ALK: variants seen among roughly 807,000 people sequenced by gnomAD.
The protein encoded by ALK is ALK tyrosine kinase receptor.
In ALK, 74 loss-of-function variants were observed where a neutral mutation model predicts 163.1. That is an observed-to-expected ratio of 0.45 (90% CI 0.38 to 0.55). ALK has a LOEUF of 0.55. ALK is among the 20% of genes least tolerant of loss of function. ALK has a pLI of 0.00. For missense variants in ALK, 2,063 were observed against 2,105.3 expected (o/e 0.98, Z 0.39); for synonymous variants, 960 against 843.2 (o/e 1.14, Z -2.40).
chr2:29,472,535 G>A (rs1671372653), intron 4 of ALK, among the ~76,000 whole-genome samples: 1 of 152,148 alleles, frequency 6.6e-6, no homozygotes, highest in Admixed American at 6.5e-5. Context: ...AGAAGACAAT[G>A]AGGCTCCCTG....
At chr2:29,202,513 T>C (rs1669208304) in intron 26 of ALK, among the ~76,000 whole-genome samples, 1 of 152,370 alleles carries the variant, frequency 6.6e-6, no homozygotes, top group South Asian at 2.1e-4. Flanking sequence ...CACCTCCCTC[T>C]CTCTGCTCTC....
intron 4 of ALK, among the ~76,000 whole-genome samples, chr2:29,458,543 T>C (rs1671013422): frequency 1.3e-5 from 2 of 152,164 alleles, no homozygotes; most frequent in Non-Finnish European, 1.5e-5. Context: ...TGCAAATGCC[T>C]TCAACACAAT....
At chr2:29,543,204 G>C (rs550370445) in intron 3 of ALK, among the ~76,000 whole-genome samples, 2 of 152,232 alleles carry the variant, frequency 1.3e-5, no homozygotes, top group East Asian at 3.9e-4. Context: ...AGCAGATTAT[G>C]GAAGGGTGAG....
intron 4 of ALK, among the ~76,000 whole-genome samples, chr2:29,421,800 C>T (rs1469923447): frequency 2.0e-5 from 3 of 151,684 alleles, no homozygotes; most frequent in East Asian, 1.9e-4. Flanking sequence ...AGATCGCAGC[C>T]GCAGTGGGGA....
chr2:29,831,259 G>GGAAGAAGAAGAAAGAAGAAGAA (rs1665405947), intron 1 of ALK, among the ~76,000 whole-genome samples: 3 of 28,132 alleles, frequency 1.1e-4, no homozygotes, highest in Admixed American at 6.6e-4. Context: ...AAGAGGAAGA[G>GGAAGAAGAAGAAAGAAGAAGAA]GAAGAAGAAG....
intron 4 of ALK, among the ~76,000 whole-genome samples, chr2:29,425,908 C>A (rs1163266951): frequency 2.6e-5 from 4 of 152,146 alleles, no homozygotes; most frequent in Non-Finnish European, 5.9e-5. Flanking sequence ...GCTATTTCTC[C>A]AGAGAGAACC....
At chr2:29,846,660 C>CT (rs1558515944) in intron 1 of ALK, among the ~76,000 whole-genome samples, 1 of 152,198 alleles carries the variant, frequency 6.6e-6, no homozygotes, top group African/African-American at 2.4e-5. Context: ...TTTCAAACTG[C>CT]AAGAAAGCAA....
intron 1 of ALK, among the ~76,000 whole-genome samples, chr2:29,814,622 T>C (rs1664847996): frequency 6.6e-6 from 1 of 150,606 alleles, no homozygotes; most frequent in Non-Finnish European, 1.5e-5. Flanking sequence ...ATCGCACCAC[T>C]GCACTCCAGC....
intron 5 of ALK, among the ~76,000 whole-genome samples, chr2:29,331,754 T>G (rs1667445632): frequency 6.6e-6 from 1 of 152,086 alleles, no homozygotes; most frequent in Non-Finnish European, 1.5e-5. Flanking sequence ...ACTAAACTTG[T>G]AACAACCAGG....
chr2:29,238,000 G>A (rs572735669), intron 13 of ALK, among the ~76,000 whole-genome samples: 2 of 152,300 alleles, frequency 1.3e-5, no homozygotes, highest in South Asian at 4.1e-4. Flanking sequence ...GGAGGCACTG[G>A]AGAAGCAAAG....
chr2:29,298,927 C>T (rs1379977145), intron 8 of ALK, among the ~76,000 whole-genome samples: 1 of 152,134 alleles, frequency 6.6e-6, no homozygotes, highest in Non-Finnish European at 1.5e-5. Flanking sequence ...CTTTTGGCTC[C>T]TTTGTCTACA....
intron 4 of ALK, among the ~76,000 whole-genome samples, chr2:29,441,318 G>A (rs1332427593): frequency 6.6e-6 from 1 of 152,220 alleles, no homozygotes; most frequent in Non-Finnish European, 1.5e-5. Context: ...GCCTCTGGGG[G>A]AATCACAGAG....
intron 4 of ALK, among the ~76,000 whole-genome samples, chr2:29,441,986 T>C (rs1670557048): frequency 6.6e-6 from 1 of 152,318 alleles, no homozygotes; most frequent in South Asian, 2.1e-4. Context: ...TTAACACTAA[T>C]TGAGAAGCAG....
intron 4 of ALK, among the ~76,000 whole-genome samples, chr2:29,526,831 C>T (rs937051161): frequency 6.6e-6 from 1 of 152,238 alleles, no homozygotes; most frequent in African/African-American, 2.4e-5. Context: ...CAATCAGGTC[C>T]CTTTTCAGAA....
intron 11 of ALK, among the ~76,000 whole-genome samples, chr2:29,266,590 A>G (rs968581470): frequency 6.6e-6 from 1 of 152,240 alleles, no homozygotes; most frequent in African/African-American, 2.4e-5. Context: ...GCTCAGTACA[A>G]TAGCCAGCTC....
intron 9 of ALK, among the ~76,000 whole-genome samples, chr2:29,278,048 G>A (rs549763946): frequency 6.5e-4 from 99 of 152,276 alleles, no homozygotes; most frequent in African/African-American, 2.1e-3. Flanking sequence ...AGCAGTGTGC[G>A]AGCTCAGAGG....
intron 4 of ALK, among the ~76,000 whole-genome samples, chr2:29,467,572 ACC>A (rs1671242711): frequency 6.6e-6 from 1 of 152,226 alleles, no homozygotes; most frequent in African/African-American, 2.4e-5. Context: ...CTGCTCTAAG[ACC>A]AGAGCTTGGA....
chr2:29,547,904 A>G (rs1327164017), intron 3 of ALK, among the ~76,000 whole-genome samples: 3 of 152,236 alleles, frequency 2.0e-5, no homozygotes, highest in East Asian at 3.9e-4. Flanking sequence ...TCACATTAAT[A>G]ACGAACAATT....
At chr2:29,362,283 C>T (rs779226960) in intron 5 of ALK, among the ~76,000 whole-genome samples, 11 of 152,128 alleles carry the variant, frequency 7.2e-5, no homozygotes, top group Non-Finnish European at 1.5e-4. Context: ...TCTCTTTTTC[C>T]TTCCTTCCTT....
Sources: allele counts gnomAD v4.1 joint callset (sites outside exome capture counted in the v4.1 genomes callset), GRCh38; gene constraint gnomAD v4.1.1; transcripts MANE v1.5; gene names NCBI Gene and HGNC (gene_info 2026-07-23, HGNC 2026-07-21).